Variants in CDIN1 observed in about 807,000 individuals in gnomAD.
CDIN1 encodes the protein CDAN1 interacting nuclease 1.
A neutral mutation model predicts 45.3 loss-of-function variants in CDIN1; 33 were observed. The observed-to-expected ratio is 0.73, with a 90% CI of 0.55 to 0.97. CDIN1 has a LOEUF of 0.97. CDIN1 is among the 50% of genes least tolerant of loss of function. The probability of loss-of-function intolerance (pLI) is 0.00; values close to 1 mark genes in which losing one functional copy is unlikely to be tolerated. For missense variants in CDIN1, 303 were observed against 339.4 expected (o/e 0.89, Z 0.84); for synonymous variants, 118 against 124.4 (o/e 0.95, Z 0.34).
intron 5 of CDIN1, among the ~76,000 whole-genome samples, chr15:36,678,037 G>A (rs551377324): frequency 1.3e-5 from 2 of 152,290 alleles, no homozygotes; most frequent in African/African-American, 2.4e-5. Context: ...ATATTTGATA[G>A]CTCTAGTCTA....
At chr15:36,774,163 T>C (rs60823238) in intron 10 of CDIN1, among the ~76,000 whole-genome samples, 11,207 of 142,884 alleles carry the variant, frequency 0.078, 498 homozygotes, top group East Asian at 0.15. Context: ...TGTGTGTGTG[T>C]GCGCGCGCGC....
chr15:36,623,764 T>C (rs941897289), intron 1 of CDIN1, among the ~76,000 whole-genome samples: 1 of 152,234 alleles, frequency 6.6e-6, no homozygotes, highest in African/African-American at 2.4e-5. Context: ...TTGTTGTAAC[T>C]CAATTGAGTA....
chr15:36,595,780 C>T (rs1289511953), intron 1 of CDIN1, among the ~76,000 whole-genome samples: 7 of 152,134 alleles, frequency 4.6e-5, no homozygotes, highest in Admixed American at 4.6e-4. Flanking sequence ...TGTGCAGAGG[C>T]CTGTGATTTA....
At position 36,808,561 on chromosome 15, in the gene CDIN1, A is replaced by ACT; in HGVS notation, c.*111_*112dup. The ACT allele has an allele frequency of 2.1e-6, 3 of 1,424,492 alleles. No homozygotes were observed. Among genetic ancestry groups the ACT allele is most frequent in the Non-Finnish European group, 1.9e-6 (2 of 1,049,270 alleles). 88.2% of individuals were successfully genotyped at this position (1,424,492 alleles called of 1,614,324 possible). A position where few individuals can be genotyped will look rare whatever the true frequency, so the allele number is the denominator to read the frequency against. ...AACATCTGCCCTGAACTTCAGCTGA[A>ACT]CTCTTGCTGCCCGTAGTCACACCAC... On this transcript the variant is annotated 3_prime_UTR_variant, in exon 11 of 11. Transcript: ENST00000566621.
At chr15:36,595,177 A>G (rs972930279) in intron 1 of CDIN1, among the ~76,000 whole-genome samples, 10 of 151,878 alleles carry the variant, frequency 6.6e-5, no homozygotes, top group African/African-American at 2.4e-4. Context: ...GCCTTTATCT[A>G]GATTATAATT....
At chr15:36,777,715 A>G (rs1266312110) in intron 10 of CDIN1, among the ~76,000 whole-genome samples, 4 of 152,094 alleles carry the variant, frequency 2.6e-5, no homozygotes, top group Non-Finnish European at 5.9e-5. Context: ...GGCTCAAGCA[A>G]TCCTCCCACC....
chr15:36,586,198 T>TTG (rs895173104), intron 1 of CDIN1, among the ~76,000 whole-genome samples: 1 of 151,752 alleles, frequency 6.6e-6, no homozygotes, highest in African/African-American at 2.4e-5. Flanking sequence ...TTGAGTTTTT[T>TTG]TTTTTTTTTT....
At chr15:36,608,976 TATAGATAGATAG>T (rs35140623) in intron 1 of CDIN1, among the ~76,000 whole-genome samples, 2,021 of 149,426 alleles carry the variant, frequency 0.014, 16 homozygotes, top group Non-Finnish European at 0.016. Flanking sequence ...TATGTGTGTA[TATAGATAGATAG>T]ATAGATAGAT....
At chr15:36,744,554 A>T (rs372581709) in intron 10 of CDIN1, among the ~76,000 whole-genome samples, 3 of 152,218 alleles carry the variant, frequency 2.0e-5, no homozygotes, top group African/African-American at 7.2e-5. Flanking sequence ...CCCTATCCTT[A>T]GGGATCTCAT....
chr15:36,745,422 T>C (rs988238473), intron 10 of CDIN1, among the ~76,000 whole-genome samples: 3 of 152,152 alleles, frequency 2.0e-5, no homozygotes, highest in African/African-American at 7.2e-5. Flanking sequence ...CTAATTCTGG[T>C]CTCATTATTA....
At chr15:36,727,775 A>T (rs181455559) in intron 10 of CDIN1, among the ~76,000 whole-genome samples, 6 of 152,302 alleles carry the variant, frequency 3.9e-5, no homozygotes, top group African/African-American at 1.4e-4. Flanking sequence ...GAGCCCTCTG[A>T]CATATCCAGC....
At chr15:36,580,729 A>G (rs1194334077) in intron 1 of CDIN1, among the ~76,000 whole-genome samples, 1 of 152,242 alleles carries the variant, frequency 6.6e-6, no homozygotes, top group Admixed American at 6.5e-5. Context: ...GAGGACAACC[A>G]GGTCACTGTA....
chr15:36,706,383 C>G (rs1226726585), intron 8 of CDIN1: 1 of 152,146 alleles, frequency 6.6e-6, no homozygotes, highest in Non-Finnish European at 1.5e-5. Flanking sequence ...GAGGCCGAGG[C>G]AGGCAGATTA....
At chr15:36,802,067 A>G (rs1458681510) in intron 10 of CDIN1, among the ~76,000 whole-genome samples, 1 of 152,138 alleles carries the variant, frequency 6.6e-6, no homozygotes, top group Non-Finnish European at 1.5e-5. Flanking sequence ...ACTGTTATAG[A>G]ATGCTATATA....
chr15:36,798,034 A>AG (rs1354213084), intron 10 of CDIN1, among the ~76,000 whole-genome samples: 1 of 151,672 alleles, frequency 6.6e-6, no homozygotes, highest in Non-Finnish European at 1.5e-5. Flanking sequence ...GCAAAAAAAA[A>AG]AAAAAAAAAA....
rs1333441023 is a variant in CDIN1 at position 36,709,238 on chromosome 15, G to A, written c.560G>A (p.Arg187His). The change falls in exon 9 of 11, where the codon CGT becomes CAT. Residue 187 changes from arginine (R) to histidine (H), a missense_variant. Physicochemically the swap from Arg to His is conservative, Grantham distance 29 (BLOSUM62 0). Transcript: ENST00000566621. ...NLSFLDEDQL[R>H]AKGYDKTPDF... is the part of the protein sequence containing the mutation. ...CTTCCTGTAGATGAAGATCAGCTTC[G>A]TGCAAAGGGTTATGACAAAACACCA... The A allele has an allele frequency of 6.9e-6, 11 of 1,602,376 alleles. No individual in the cohort carries two copies. Among genetic ancestry groups the A allele is most frequent in the South Asian group, 1.1e-5 (1 of 88,540 alleles).
chr15:36,682,001 C>T (rs776407405), intron 5 of CDIN1, among the ~76,000 whole-genome samples: 16 of 151,954 alleles, frequency 1.1e-4, no homozygotes, highest in Non-Finnish European at 1.3e-4. Context: ...TTTAAATAAA[C>T]GTTGAGTGTT....
At chr15:36,602,792 C>T (rs539477344) in intron 1 of CDIN1, among the ~76,000 whole-genome samples, 5 of 152,192 alleles carry the variant, frequency 3.3e-5, no homozygotes, top group Admixed American at 3.3e-4. Context: ...TCCTAGCTAA[C>T]ACGGTGAAAC....
intron 10 of CDIN1, among the ~76,000 whole-genome samples, chr15:36,786,837 T>C (rs2054503935): frequency 6.6e-6 from 1 of 152,134 alleles, no homozygotes. Flanking sequence ...TTGCTCCTTA[T>C]CCTTTTTGAC....
Sources: gnomAD v4.1 joint callset for allele counts (sites outside exome capture counted in the v4.1 genomes callset) on GRCh38, gnomAD v4.1.1 for gene constraint, MANE v1.5 for transcripts, NCBI Gene and HGNC (gene_info 2026-07-23, HGNC 2026-07-21) for gene names.